SBF2: variants seen among roughly 807,000 people sequenced by gnomAD.
The protein encoded by SBF2 is myotubularin-related protein 13.
Under a neutral mutation model 225.2 loss-of-function variants are expected in SBF2, and 112 were observed. The ratio of observed to expected loss-of-function variants is 0.50; its 90% CI spans 0.43 to 0.58. The LOEUF is 0.58. Ranked by LOEUF, SBF2 falls within the 20% of genes least tolerant of loss-of-function variation. SBF2 has a pLI of 0.00. For missense variants in SBF2, 1,996 were observed against 2,206.2 expected (o/e 0.90, Z 1.91); for synonymous variants, 763 against 773.3 (o/e 0.99, Z 0.22).
intron 16 of SBF2, among the ~76,000 whole-genome samples, chr11:9,917,258 C>T (rs1863175752): frequency 1.3e-5 from 2 of 151,764 alleles, no homozygotes; most frequent in Admixed American, 1.3e-4. Flanking sequence ...TATAAAGTCA[C>T]TTTATTCTTG....
intron 17 of SBF2, among the ~76,000 whole-genome samples, chr11:9,869,795 A>G (rs1370464291): frequency 6.6e-6 from 1 of 152,192 alleles, no homozygotes; most frequent in African/African-American, 2.4e-5. Context: ...CCGGAACAAG[A>G]CAAAGATGCC....
chr11:10,262,557 G>C (rs536196344), intron 1 of SBF2, among the ~76,000 whole-genome samples: 6 of 152,150 alleles, frequency 3.9e-5, no homozygotes, highest in African/African-American at 7.2e-5. Context: ...AGCCTCTTAG[G>C]GGCTGCTCTC....
chr11:10,286,850 G>C (rs1051486726), intron 1 of SBF2, among the ~76,000 whole-genome samples: 1 of 152,178 alleles, frequency 6.6e-6, no homozygotes, highest in Non-Finnish European at 1.5e-5. Context: ...AGAAAAGTTT[G>C]TCAGTCTCAC....
At chr11:10,143,521 C>T (rs2135144356) in intron 2 of SBF2, among the ~76,000 whole-genome samples, 1 of 152,232 alleles carries the variant, frequency 6.6e-6, no homozygotes, top group East Asian at 1.9e-4. Flanking sequence ...TGAGAAACAA[C>T]ATACAATGAA....
chr11:9,989,581 T>C lies in SBF2; in HGVS notation c.1311A>G (p.Glu437=). The change falls in exon 13 of 40, where the codon GAA becomes GAG. Residue 437 remains glutamate (E), a synonymous_variant. Coordinates refer to ENST00000256190, the MANE Select transcript of SBF2 (RefSeq NM_030962.4). ...CDLFDELVAF[E]VERIKVEENN... ...TTTCTTCAACTTTAATTCTCTCTAC[T>C]TCAAAGGCTACCAACTAGGAAAAAG... The C allele has an allele frequency of 6.2e-7, 1 of 1,600,216 alleles. No homozygotes were observed.
chr11:10,102,714 T>G (rs1050441113), intron 2 of SBF2, among the ~76,000 whole-genome samples: 7 of 152,114 alleles, frequency 4.6e-5, no homozygotes, highest in Non-Finnish European at 1.5e-5. Flanking sequence ...TTTCTGCAGG[T>G]TGAACATTAA....
At chr11:9,911,027 C>T (rs1862569940) in intron 16 of SBF2, among the ~76,000 whole-genome samples, 1 of 149,336 alleles carries the variant, frequency 6.7e-6, no homozygotes, top group Admixed American at 6.7e-5. Flanking sequence ...CCACTGCACT[C>T]CAGCCTGGTG....
Position 9,992,525 on chromosome 11 carries a change from G to T in SBF2, c.1186C>A (p.Arg396Ser). 6.2e-7 allele frequency: 1 copy of T among 1,612,168 alleles called. No homozygotes were observed. Among genetic ancestry groups the T allele is most frequent in the Non-Finnish European group, 8.5e-7 (1 of 1,179,084 alleles). Residue 396 changes from arginine (R) to serine (S), a missense_variant, in exon 12 of 40, where the codon CGT becomes AGT. By Grantham distance (110) the Arg-to-Ser change is moderately radical. Transcript: ENST00000256190. ...HFHKTAFLGQ[R>S]GLVENDFLTK... ...AGGAAATCATTCTCGACCAAACCAC[G>T]CTGCCCCAAGAATGCTGTCTGTGAA...
Position 10,286,724 on chromosome 11 carries a change from T to C in SBF2, c.55+7291A>G, listed in dbSNP as rs534992624. Reference sequence around the variant, plus strand: ...GTTTATTAGAGAAGTTAACAAAAAATGGCTACTCCACAGGCAGAGCAACCA... The same window carrying C: ...GTTTATTAGAGAAGTTAACAAAAAACGGCTACTCCACAGGCAGAGCAACCA... On this transcript the variant is annotated intron_variant, in intron 1 of 39. Coordinates refer to ENST00000256190, the MANE Select transcript of SBF2 (RefSeq NM_030962.4). Among the ~76,000 whole-genome samples the C allele has an allele frequency of 5.3e-5, 8 of 152,160 alleles. No homozygotes were observed. In the South Asian group the frequency reaches 1.7e-3, roughly 32 times the overall value.
intron 33 of SBF2, 123 bp downstream of exon 33, chr11:9,795,708 C>A: frequency 8.2e-7 from 1 of 1,225,410 alleles, no homozygotes; most frequent in Non-Finnish European, 1.2e-6. Context: ...CCTCTACATT[C>A]ATAGTTCAGA....
At chr11:9,789,969 G>C (rs978727996) in intron 34 of SBF2, among the ~76,000 whole-genome samples, 2 of 152,254 alleles carry the variant, frequency 1.3e-5, no homozygotes, top group Non-Finnish European at 2.9e-5. Context: ...GGAGGATGCA[G>C]CTGGAGGAAG....
intron 2 of SBF2, among the ~76,000 whole-genome samples, chr11:10,160,830 T>C (rs1648066427): frequency 6.6e-6 from 1 of 152,122 alleles, no homozygotes; most frequent in South Asian, 2.1e-4. Context: ...CCCATTTACC[T>C]GCACCTGGCT....
chr11:9,966,890 G>A (rs1296750907), intron 14 of SBF2, among the ~76,000 whole-genome samples: 1 of 152,082 alleles, frequency 6.6e-6, no homozygotes, highest in East Asian at 1.9e-4. Flanking sequence ...ATATGACCCA[G>A]CAATTCCAAT....
At chr11:10,038,386 CTTTAA>C (rs1429536282) in intron 3 of SBF2, among the ~76,000 whole-genome samples, 3 of 151,940 alleles carry the variant, frequency 2.0e-5, no homozygotes, top group African/African-American at 4.8e-5. Flanking sequence ...GAACATAAGA[CTTTAA>C]TTTATCATAA....
chr11:10,171,709 A>C (rs1413722700), intron 2 of SBF2, among the ~76,000 whole-genome samples: 1 of 152,154 alleles, frequency 6.6e-6, no homozygotes, highest in African/African-American at 2.4e-5. Context: ...TTTGAGTCGA[A>C]ATTGCATTAG....
intron 2 of SBF2, among the ~76,000 whole-genome samples, chr11:10,076,448 C>G (rs1435180407): frequency 1.3e-5 from 2 of 152,176 alleles, no homozygotes; most frequent in African/African-American, 4.8e-5. Flanking sequence ...ATGGCCAGAA[C>G]TGAGAGGTGA....
intron 2 of SBF2, among the ~76,000 whole-genome samples, chr11:10,098,153 C>A (rs549519475): frequency 3.9e-5 from 6 of 152,204 alleles, no homozygotes; most frequent in African/African-American, 1.2e-4. Context: ...ATATGTGCCC[C>A]TGCAGACAAT....
chr11:10,280,852 G>A (rs559322190), intron 1 of SBF2, among the ~76,000 whole-genome samples: 1 of 151,978 alleles, frequency 6.6e-6, no homozygotes, highest in Non-Finnish European at 1.5e-5. Context: ...TGGGGGAGGC[G>A]GGCAGCCTTC....
chr11:9,950,137 T>A (rs1489955873), intron 16 of SBF2, among the ~76,000 whole-genome samples: 2 of 149,928 alleles, frequency 1.3e-5, no homozygotes, highest in Non-Finnish European at 3.0e-5. Flanking sequence ...ATGCTTCTCG[T>A]AAGCAGGGAT....
Sources: gnomAD v4.1 joint callset for allele counts (sites outside exome capture counted in the v4.1 genomes callset) on GRCh38, gnomAD v4.1.1 for gene constraint, MANE v1.5 for transcripts, NCBI Gene and HGNC (gene_info 2026-07-23, HGNC 2026-07-21) for gene names.